KIF3B: variants seen among roughly 807,000 people sequenced by gnomAD.
KIF3B encodes the protein kinesin-like protein KIF3B.
KIF3B carries 38 observed loss-of-function variants against 74.3 expected under a neutral mutation model. That is an observed-to-expected ratio of 0.51 (90% CI 0.39 to 0.67). The LOEUF (loss-of-function observed/expected upper bound fraction) is 0.67. Ranked by LOEUF, KIF3B falls within the 30% of genes least tolerant of loss-of-function variation. The probability of loss-of-function intolerance (pLI) is 0.00; values close to 1 mark genes in which losing one functional copy is unlikely to be tolerated. For synonymous variants in KIF3B, 326 were observed against 342.5 expected, an observed-to-expected ratio of 0.95 and a Z score of 0.53; for missense variants, 649 against 932.0, an observed-to-expected ratio of 0.70 and a Z score of 3.95.
Position 32,277,694 on chromosome 20 carries a change from G to A in KIF3B, c.-137G>A, listed in dbSNP as rs1219492667. On this transcript the variant is annotated 5_prime_UTR_variant, in exon 1 of 9. Coordinates refer to ENST00000375712, the MANE Select transcript of KIF3B (RefSeq NM_004798.4). ...GGGCAGCGGGGAATGGCTGAGCCAG[G>A]GGTTCGCCGCCCCCGCCGCCGCCGC... 2 of 260,372 alleles carry A rather than the reference G, an allele frequency of 7.7e-6. No individual in the cohort carries two copies. Among genetic ancestry groups the A allele is most frequent in the African/African-American group, 4.6e-5 (2 of 43,216 alleles). The allele number at this position is 260,372 out of a possible 1,614,324, so 16.1% of individuals were successfully genotyped here.
At chr20:32,316,673 G>A (rs1181348502) in intron 4 of KIF3B, 24 bp downstream of exon 4, 2 of 1,614,100 alleles carry the variant, frequency 1.2e-6, no homozygotes. Flanking sequence ...GAGGCCAGAT[G>A]GAGTTGCCTT....
intron 1 of KIF3B, among the ~76,000 whole-genome samples, chr20:32,298,516 C>CCT (rs61432887): frequency 0.34 from 52,349 of 152,022 alleles, 10,284 homozygotes; most frequent in East Asian, 0.74. Flanking sequence ...TTGAAACCTT[C>CCT]CTGTTTTTGT....
chr20:32,313,214 C>G (rs1263492974), intron 2 of KIF3B, among the ~76,000 whole-genome samples: 2 of 152,122 alleles, frequency 1.3e-5, no homozygotes, highest in Non-Finnish European at 2.9e-5. Flanking sequence ...TGCCTGGACT[C>G]TGAGCTTCCA....
At chr20:32,294,133 A>T (rs1281760244) in intron 1 of KIF3B, among the ~76,000 whole-genome samples, 1 of 150,176 alleles carries the variant, frequency 6.7e-6, no homozygotes, top group Non-Finnish European at 1.5e-5. Context: ...ATTGATTCTG[A>T]ATAGTAGGTG....
At position 32,309,951 on chromosome 20, in the gene KIF3B, C is replaced by T. The variant is rs1361740667; in HGVS notation, c.174C>T (p.Thr58=). 4 of 1,614,042 alleles carry T rather than the reference C, an allele frequency of 2.5e-6. No individual in the cohort carries two copies. The highest frequency in any genetic ancestry group is 1.3e-5 in the African/African-American group (1 of 74,908). The change falls in exon 2 of 9, where the codon ACC becomes ACT. Residue 58 remains threonine (T), a synonymous_variant. Coordinates refer to ENST00000375712, the MANE Select transcript of KIF3B (RefSeq NM_004798.4). ...GTAHEMPKTF[T]FDAVYDWNAK... ...CCCATGAAATGCCCAAGACCTTCAC[C>T]TTTGATGCCGTCTATGACTGGAATG...
rs775512060 is a variant in KIF3B at position 32,311,141 on chromosome 20, G to A, written c.1364G>A (p.Arg455Gln). 1.4e-5 allele frequency: 23 copies of A among 1,612,382 alleles called. No individual in the cohort carries two copies. The highest frequency in any genetic ancestry group is 5.3e-5 in the African/African-American group (4 of 74,958). ...EKEKKMEDLR[R>Q]EKDAAEMLGA... is the part of the protein sequence containing the mutation. ...GAGAAAAAGATGGAGGACCTGCGGCGGGAGAAGGATGCTGCCGAGATGCTG... is the reference window on the plus strand; with the variant it reads ...GAGAAAAAGATGGAGGACCTGCGGCAGGAGAAGGATGCTGCCGAGATGCTG... Residue 455 changes from arginine to glutamine, a missense_variant, in exon 2 of 9, where the codon CGG becomes CAG. This residue lies in a region of KIF3B where 363 missense variants were observed against 592.8 expected (regional missense o/e 0.61). Transcript: ENST00000375712.
chr20:32,308,193 A>C (rs935095899), intron 1 of KIF3B, among the ~76,000 whole-genome samples: 5 of 151,774 alleles, frequency 3.3e-5, no homozygotes, highest in African/African-American at 1.2e-4. Flanking sequence ...CCAAGCTCAC[A>C]CCACTGCACT....
chr20:32,309,195 A>AT (rs779522474), intron 1 of KIF3B, among the ~76,000 whole-genome samples: 5,403 of 126,576 alleles, frequency 0.043, 262 homozygotes, highest in African/African-American at 0.12. Flanking sequence ...TGTTGTTGGT[A>AT]TTTTTTTTTT....
chr20:32,327,513 A>G, intron 6 of KIF3B, 43 bp from the exon 7 acceptor site: 2 of 1,534,696 alleles, frequency 1.3e-6, no homozygotes, highest in African/African-American at 1.4e-5. Context: ...TGCTGGTTCC[A>G]CAGGACTCCA....
rs574948037 is a variant in KIF3B, at chr20:32,316,071, G to A, written c.1405-147G>A. ...CCAGTCCCTCACCAGTGATGGATGG[G>A]CACAGCTGAGCACAGTGTATTTTTT... On this transcript the variant is annotated intron_variant, in intron 2 of 8. Coordinates refer to ENST00000375712, the MANE Select transcript of KIF3B (RefSeq NM_004798.4). The A allele has an allele frequency of 5.1e-6, 3 of 591,654 alleles. No individual in the cohort carries two copies. In the East Asian group the frequency reaches 8.0e-5, roughly 16 times the overall value. The allele number at this position is 591,654 out of a possible 1,614,324, so 36.7% of individuals were successfully genotyped here.
Position 32,316,571 on chromosome 20 carries a change from TGAG to T in KIF3B, c.1555_1557del (p.Glu519del). 6.2e-7 allele frequency: 1 copy of T among 1,614,030 alleles called. No homozygotes were observed. The highest frequency in any genetic ancestry group is 8.5e-7 in the Non-Finnish European group (1 of 1,179,998). On this transcript the variant is annotated inframe_deletion, in exon 4 of 9. Coordinates refer to ENST00000375712, the MANE Select transcript of KIF3B (RefSeq NM_004798.4). ...TCCAGCAACAGATGGAAAGTCGAGATGAGGAGACCTTGGAACTTAAAGAGACAT... is the reference window on the plus strand; with the variant it reads ...TCCAGCAACAGATGGAAAGTCGAGATGAGACCTTGGAACTTAAAGAGACAT...
At chr20:32,317,505 C>G (rs1396191825) in intron 5 of KIF3B, among the ~76,000 whole-genome samples, 1 of 151,952 alleles carries the variant, frequency 6.6e-6, no homozygotes, top group Non-Finnish European at 1.5e-5. Context: ...TAATAAATAC[C>G]CAAGTACCCA....
chr20:32,322,690 T>TTTA (rs1569207550), intron 5 of KIF3B, among the ~76,000 whole-genome samples: 8 of 53,694 alleles, frequency 1.5e-4, no homozygotes, highest in African/African-American at 1.0e-3. Context: ...TTATATATAT[T>TTTA]TATATATATT....
intron 1 of KIF3B, among the ~76,000 whole-genome samples, chr20:32,284,748 T>C (rs1193756036): frequency 1.3e-5 from 2 of 152,200 alleles, no homozygotes; most frequent in African/African-American, 4.8e-5. Flanking sequence ...TTTGAGATGC[T>C]CTCACCTAGG....
intron 5 of KIF3B, among the ~76,000 whole-genome samples, chr20:32,326,254 A>G (rs913335361): frequency 3.9e-5 from 6 of 152,140 alleles, no homozygotes; most frequent in African/African-American, 1.2e-4. Context: ...GCTGAAATCC[A>G]CTTAGTCCTG....
Position 32,327,626 on chromosome 20 carries a change from A to C in KIF3B, c.1933A>C (p.Met645Leu). 6.2e-7 allele frequency: 1 copy of C among 1,613,386 alleles called. No individual in the cohort carries two copies. The highest frequency in any genetic ancestry group is 8.5e-7 in the Non-Finnish European group (1 of 1,179,680). The part of the protein sequence containing the change: ...YKRPLSQHAR[M>L]SMMIRPEARY... Reference sequence around the variant, plus strand: ...GAGACCATTGAGCCAGCACGCAAGAATGTCCATGATGATTCGTCCAGAGGC... The same window carrying C: ...GAGACCATTGAGCCAGCACGCAAGACTGTCCATGATGATTCGTCCAGAGGC... Residue 645 changes from methionine (M) to leucine (L), a missense_variant, in exon 7 of 9, where the codon ATG (methionine) becomes CTG (leucine). By Grantham distance (15) the Met-to-Leu change is conservative (BLOSUM62 2). This residue lies in a region of KIF3B where 186 missense variants were observed against 198.5 expected (regional missense o/e 0.94). Transcript: ENST00000375712.
intron 1 of KIF3B, among the ~76,000 whole-genome samples, chr20:32,281,653 G>A (rs1361276985): frequency 1.3e-5 from 2 of 152,154 alleles, no homozygotes; most frequent in African/African-American, 4.8e-5. Context: ...GGAAGCAGAG[G>A]CTGCAGTAAG....
intron 1 of KIF3B, among the ~76,000 whole-genome samples, chr20:32,278,013 G>A (rs2047624717): frequency 6.6e-6 from 1 of 152,192 alleles, no homozygotes. Flanking sequence ...GCCCTGAGGC[G>A]GTGGTCAGGG....
intron 1 of KIF3B, among the ~76,000 whole-genome samples, chr20:32,284,666 C>T (rs960160658): frequency 6.6e-6 from 1 of 152,174 alleles, no homozygotes; most frequent in Non-Finnish European, 1.5e-5. Context: ...ACAACAATAA[C>T]AAGGCCCAGA....
Sources: allele counts gnomAD v4.1 joint callset (sites outside exome capture counted in the v4.1 genomes callset), GRCh38; gene constraint gnomAD v4.1.1; regional missense constraint gnomAD v4.1.1; transcripts MANE v1.5; gene names NCBI Gene and HGNC (gene_info 2026-07-23, HGNC 2026-07-21).